The following RECK variants were observed in gnomAD, a reference collection of about 807,000 sequenced individuals.
RECK encodes reversion-inducing cysteine-rich protein with Kazal motifs.
A neutral mutation model predicts 115.1 loss-of-function variants in RECK; 69 were observed. The ratio of observed to expected loss-of-function variants is 0.60; its 90% CI spans 0.49 to 0.73. The LOEUF (loss-of-function observed/expected upper bound fraction) is 0.73. Among genes scored for constraint, RECK ranks in the 30% least tolerant of loss-of-function variants. The probability of loss-of-function intolerance (pLI) is 0.00; values close to 1 mark genes in which losing one functional copy is unlikely to be tolerated. For synonymous variants in RECK, 414 were observed against 419.7 expected (o/e 0.99, Z 0.17); for missense variants, 1,047 against 1,203.7 (o/e 0.87, Z 1.93).
At chr9:36,069,860 A>G (rs185185377) in intron 6 of RECK, among the ~76,000 whole-genome samples, 135 of 152,292 alleles carry the variant, frequency 8.9e-4, no homozygotes, top group African/African-American at 3.2e-3. Context: ...AAGTAGTCAG[A>G]AAAAAAGGCA....
intron 6 of RECK, among the ~76,000 whole-genome samples, chr9:36,078,146 A>G (rs957782009): frequency 1.3e-5 from 2 of 152,282 alleles, no homozygotes; most frequent in African/African-American, 2.4e-5. Flanking sequence ...GGTGGCAGGC[A>G]AGATTTGGCT....
intron 9 of RECK, 73 bp from the exon 10 acceptor site, chr9:36,091,091 T>C (rs1823140297): frequency 7.1e-6 from 10 of 1,414,086 alleles, no homozygotes; most frequent in African/African-American, 4.3e-5. Context: ...GTTCATAGAG[T>C]TTTAGTTTTA....
intron 10 of RECK, among the ~76,000 whole-genome samples, chr9:36,095,508 G>A (rs4879952): frequency 0.21 from 31,599 of 152,032 alleles, 4,153 homozygotes; most frequent in South Asian, 0.31. Context: ...AACCGACATG[G>A]ACATTAAAAA....
At chr9:36,084,897 A>C (rs1156743466) in intron 8 of RECK, among the ~76,000 whole-genome samples, 1 of 152,160 alleles carries the variant, frequency 6.6e-6, no homozygotes, top group Non-Finnish European at 1.5e-5. Flanking sequence ...TCTCCAAAAA[A>C]TTAAAAAATT....
chr9:36,116,146 T>A (rs1025091567), intron 16 of RECK, among the ~76,000 whole-genome samples: 3 of 134,426 alleles, frequency 2.2e-5, no homozygotes, highest in Admixed American at 7.4e-5. Flanking sequence ...TTTTTTTTTT[T>A]AGACAGAGTT....
chr9:36,091,347 A>G lies in RECK; in HGVS notation c.1085+4A>G. 6.7e-7 allele frequency: 1 copy of G among 1,483,698 alleles called. No homozygotes were observed. Among genetic ancestry groups the G allele is most frequent in the South Asian group, 1.4e-5 (1 of 70,776 alleles). The allele number at this position is 1,483,698 out of a possible 1,614,324, so 91.9% of individuals were successfully genotyped here. A position where few individuals can be genotyped will look rare whatever the true frequency, so the allele number is the denominator to read the frequency against. The stretch of plus-strand genomic sequence containing the variant: ...ACTGTACTAATTTTAACAACAGGTA[A>G]GACAAATTATTATACATGGAATGGA... On this transcript the variant is annotated splice_donor_region_variant and intron_variant, in intron 10 of 20. Transcript: ENST00000377966.
intron 17 of RECK, among the ~76,000 whole-genome samples, chr9:36,118,318 G>C (rs1261169284): frequency 6.6e-6 from 1 of 152,042 alleles, no homozygotes; most frequent in African/African-American, 2.4e-5. Context: ...TCCAGAGTCT[G>C]TCTACCCCAC....
At chr9:36,102,941 G>T (rs1823617818) in intron 12 of RECK, among the ~76,000 whole-genome samples, 1 of 147,448 alleles carries the variant, frequency 6.8e-6, no homozygotes, top group East Asian at 2.0e-4. Context: ...GGGCAACAGA[G>T]CAAGACTCTG....
At chr9:36,120,881 A>G in intron 19 of RECK, 145 bp downstream of exon 19, 2 of 630,620 alleles carry the variant, frequency 3.2e-6, no homozygotes, top group South Asian at 1.9e-5. Flanking sequence ...ATAGCCCTTA[A>G]TCAGTAGGAC....
chr9:36,083,989 C>T (rs1290651384), intron 8 of RECK, among the ~76,000 whole-genome samples: 1 of 152,016 alleles, frequency 6.6e-6, no homozygotes, highest in African/African-American at 2.4e-5. Context: ...AGAAAAATGA[C>T]AAACAACCCA....
At chr9:36,087,272 A>G (rs7044585) in intron 8 of RECK, among the ~76,000 whole-genome samples, 3,809 of 152,182 alleles carry the variant, frequency 0.025, 172 homozygotes, top group African/African-American at 0.087. Flanking sequence ...CTGAATAAAG[A>G]AAATGTGGCA....
At chr9:36,042,926 TAG>T (rs1201809232) in intron 1 of RECK, among the ~76,000 whole-genome samples, 2 of 152,020 alleles carry the variant, frequency 1.3e-5, no homozygotes, top group Admixed American at 1.3e-4. Flanking sequence ...CCCTGGTAAT[TAG>T]TGATGTTGAG....
chr9:36,106,794 T>C, intron 13 of RECK, among the ~76,000 whole-genome samples: 1 of 152,148 alleles, frequency 6.6e-6, no homozygotes, highest in African/African-American at 2.4e-5. Flanking sequence ...CTGTATTTCA[T>C]ATTATTTAAA....
At chr9:36,054,866 T>C (rs538484588) in intron 2 of RECK, among the ~76,000 whole-genome samples, 2 of 152,290 alleles carry the variant, frequency 1.3e-5, no homozygotes, top group South Asian at 4.1e-4. Flanking sequence ...ACTAATTAGT[T>C]AATATTTTTG....
chr9:36,079,875 C>T (rs1822613177), intron 6 of RECK, among the ~76,000 whole-genome samples: 1 of 152,010 alleles, frequency 6.6e-6, no homozygotes, highest in Non-Finnish European at 1.5e-5. Flanking sequence ...TTTACATTGA[C>T]TTTAATACAG....
At position 36,100,315 on chromosome 9, in the gene RECK, C is replaced by G. The variant is rs762726994; in HGVS notation, c.1086-16C>G. The G allele has an allele frequency of 1.2e-6, 2 of 1,604,660 alleles. No individual in the cohort carries two copies. Among genetic ancestry groups the G allele is most frequent in the East Asian group, 2.2e-5 (1 of 44,798 alleles). On this transcript the variant is annotated splice_polypyrimidine_tract_variant and intron_variant, in intron 10 of 20. Coordinates refer to ENST00000377966, the MANE Select transcript of RECK (RefSeq NM_021111.3). ...ATAATTGCCTCTTGATTCTTTCTGG[C>G]CTTTTTTCTCTTTAGGCCAACAGAA...
At chr9:36,114,476 G>A (rs1173227395) in intron 16 of RECK, among the ~76,000 whole-genome samples, 1 of 152,176 alleles carries the variant, frequency 6.6e-6, no homozygotes, top group Non-Finnish European at 1.5e-5. Context: ...TCTATGGAGG[G>A]CAGTTTGGCC....
chr9:36,084,644 G>A (rs1278890249), intron 8 of RECK, among the ~76,000 whole-genome samples: 5 of 150,104 alleles, frequency 3.3e-5, no homozygotes, highest in African/African-American at 9.8e-5. Flanking sequence ...GCATTGAGCC[G>A]AGATTGTGCC....
At chr9:36,079,017 T>C (rs998844230) in intron 6 of RECK, among the ~76,000 whole-genome samples, 9 of 152,128 alleles carry the variant, frequency 5.9e-5, no homozygotes, top group Non-Finnish European at 1.0e-4. Flanking sequence ...TGCCTCAGCC[T>C]CCTGAGTAGC....
Sources: allele counts gnomAD v4.1 joint callset (sites outside exome capture counted in the v4.1 genomes callset), GRCh38; gene constraint gnomAD v4.1.1; transcripts MANE v1.5; gene names NCBI Gene and HGNC (gene_info 2026-07-23, HGNC 2026-07-21).